Variants in GPN2 observed in about 807,000 individuals in gnomAD.
GPN2 encodes the protein GPN-loop GTPase 2.
In GPN2, 27 loss-of-function variants were observed where a neutral mutation model predicts 30.1. That is an observed-to-expected ratio of 0.90 (90% CI 0.66 to 1.24). The LOEUF is 1.24. GPN2 is among the 50% of genes most tolerant of loss of function. The pLI, the probability that GPN2 is intolerant of heterozygous loss-of-function variation, is 0.00. For synonymous variants in GPN2, 212 were observed against 174.4 expected (o/e 1.22, Z -1.70); for missense variants, 406 against 405.4 (o/e 1.00, Z -0.01).
At chr1:26,886,571 TCCCA>T (rs1210923800) in intron 2 of GPN2, 6 of 417,104 alleles carry the variant, frequency 1.4e-5, no homozygotes, top group African/African-American at 1.0e-4. Flanking sequence ...AAGCCTGTAA[TCCCA>T]GCACTTTGGG....
chr1:26,882,212 C>G (rs1466403124), intron 4 of GPN2, among the ~76,000 whole-genome samples: 1 of 140,710 alleles, frequency 7.1e-6, no homozygotes, highest in Non-Finnish European at 1.5e-5. Context: ...ATTGACGGTC[C>G]GTCTCAAAAA....
chr1:26,880,791 G>C (rs1165701187), intron 4 of GPN2, among the ~76,000 whole-genome samples: 1 of 152,212 alleles, frequency 6.6e-6, no homozygotes, highest in East Asian at 1.9e-4. Flanking sequence ...TGCAACCCTT[G>C]AAACCTGTCT....
rs1444793003 is a variant in GPN2 at position 26,877,665 on chromosome 1, C to T, written c.*2012G>A. ...ACACGGGCAATGGCTTATTAATTCT[C>T]CCCATCCTGTCTATCTCTAATGAGG... On this transcript the variant is annotated 3_prime_UTR_variant, in exon 5 of 5. Transcript: ENST00000374135. 1 of 152,166 alleles carries T rather than the reference C, an allele frequency of 6.6e-6. No individual in the cohort carries two copies. The highest frequency in any genetic ancestry group is 2.4e-5 in the African/African-American group (1 of 41,402). The allele number at this position is 152,166 out of a possible 1,614,324, so 9.4% of individuals were successfully genotyped here.
chr1:26,887,532 G>A (rs1458665494), intron 2 of GPN2, among the ~76,000 whole-genome samples: 1 of 151,966 alleles, frequency 6.6e-6, no homozygotes, highest in African/African-American at 2.4e-5. Context: ...ATGCTATTTA[G>A]GGAACAATGT....
chr1:26,876,217 C>T lies in GPN2; in HGVS notation c.*3460G>A, dbSNP rs2081836018. ...TATGGGATTCTGGGTGACTCATTTT[C>T]GTTTTTTTTTTTTTTGAGATGTACT... On this transcript the variant is annotated 3_prime_UTR_variant, in exon 5 of 5. Transcript: ENST00000374135. 1 of 149,824 alleles carries T rather than the reference C, an allele frequency of 6.7e-6. No homozygotes were observed. Among genetic ancestry groups the T allele is most frequent in the Non-Finnish European group, 1.5e-5 (1 of 67,494 alleles). The allele number at this position is 149,824 out of a possible 1,614,324, so 9.3% of individuals were successfully genotyped here.
chr1:26,876,547 T>G lies in GPN2; in HGVS notation c.*3130A>C, dbSNP rs2081838770. On this transcript the variant is annotated 3_prime_UTR_variant, in exon 5 of 5. Coordinates refer to ENST00000374135, the MANE Select transcript of GPN2 (RefSeq NM_018066.4). ...CTTTCATTTTCTAAGTTTTTTACTT[T>G]CCTATATTTATTAGGAAATTTAAAA... The G allele has an allele frequency of 6.6e-6, 1 of 152,178 alleles. No individual in the cohort carries two copies. 9.4% of individuals were successfully genotyped at this position (152,178 alleles called of 1,614,324 possible).
chr1:26,880,217 G>A (rs1454120547), intron 4 of GPN2, among the ~76,000 whole-genome samples: 2 of 152,134 alleles, frequency 1.3e-5, no homozygotes, highest in Non-Finnish European at 2.9e-5. Context: ...AGGGACCTTG[G>A]GCCTGTCGCC....
rs780315239 is a variant in GPN2, at chr1:26,886,053, G to A, written c.649C>T (p.His217Tyr). 24 of 1,613,006 alleles carry A rather than the reference G, an allele frequency of 1.5e-5. No individual in the cohort carries two copies. The highest frequency in any genetic ancestry group is 3.3e-5 in the Admixed American group (2 of 59,974). Residue 217 changes from histidine (H) to tyrosine (Y), a missense_variant, in exon 3 of 5, where the codon CAC becomes TAC. Coordinates refer to ENST00000374135, the MANE Select transcript of GPN2 (RefSeq NM_018066.4). ...DHLASDPFFR[H>Y]YRQLNEKLVQ... Reference sequence around the variant, plus strand: ...AGCTTCTCATTGAGCTGGCGGTAGTGGCGGAAGAAAGGGTCAGAAGCCAGG... The same window carrying A: ...AGCTTCTCATTGAGCTGGCGGTAGTAGCGGAAGAAAGGGTCAGAAGCCAGG...
intron 4 of GPN2, among the ~76,000 whole-genome samples, chr1:26,880,334 G>A (rs773829721): frequency 4.6e-5 from 7 of 151,988 alleles, no homozygotes; most frequent in Non-Finnish European, 7.4e-5. Context: ...TTTTTTTTGA[G>A]ACAGAGTCTC....
rs1445477472 is a variant in GPN2, at chr1:26,889,756, T to C, written c.341A>G (p.Gln114Arg). 3 of 1,613,522 alleles carry C rather than the reference T, an allele frequency of 1.9e-6. No homozygotes were observed. Among genetic ancestry groups the C allele is most frequent in the African/African-American group, 1.3e-5 (1 of 75,062 alleles). ...GHYFLFDCPG[Q>R]VELCTHHGAL... is the part of the protein sequence containing the mutation. ...GCCGTGATGCGTGCAGAGCTCCACC[T>C]GGCCTGGGCAGTCGAAGAGGAAGTA... The change falls in exon 1 of 5, where the codon CAG (glutamine) becomes CGG (arginine). Residue 114 changes from glutamine to arginine, a missense_variant. Transcript: ENST00000374135.
chr1:26,884,805 A>C (rs1176314040), intron 3 of GPN2, among the ~76,000 whole-genome samples: 1 of 152,208 alleles, frequency 6.6e-6, no homozygotes, highest in East Asian at 1.9e-4. Flanking sequence ...AACATGGTGA[A>C]ACCCTGTCTC....
chr1:26,883,751 G>A (rs1017642438), intron 4 of GPN2, among the ~76,000 whole-genome samples: 6 of 149,192 alleles, frequency 4.0e-5, no homozygotes, highest in Admixed American at 1.4e-4. Context: ...GCCATTGTGC[G>A]ATCCAGCCTG....
intron 4 of GPN2, among the ~76,000 whole-genome samples, chr1:26,881,690 C>T (rs931268298): frequency 6.6e-5 from 10 of 152,182 alleles, no homozygotes; most frequent in African/African-American, 2.4e-4. Context: ...GCTGAGATCA[C>T]GCCACTGCAC....
chr1:26,887,672 C>T (rs58514109), intron 2 of GPN2, among the ~76,000 whole-genome samples: 3,463 of 151,920 alleles, frequency 0.023, 142 homozygotes, highest in African/African-American at 0.078. Flanking sequence ...CGCCATTCTC[C>T]TGCCTCAGCC....
chr1:26,877,204 C>T lies in GPN2; in HGVS notation c.*2473G>A, dbSNP rs2081841298. ...TAGGGGTGAGGTGCTTTGAACTTCT[C>T]AGATGAAAGAGGCTGGGAAGCAGCA... On this transcript the variant is annotated 3_prime_UTR_variant, in exon 5 of 5. Transcript: ENST00000374135. The T allele has an allele frequency of 6.6e-6, 1 of 152,162 alleles. No homozygotes were observed. The highest frequency in any genetic ancestry group is 2.4e-5 in the African/African-American group (1 of 41,436). 9.4% of individuals were successfully genotyped at this position (152,162 alleles called of 1,614,324 possible).
intron 4 of GPN2, among the ~76,000 whole-genome samples, chr1:26,882,668 G>C (rs998064607): frequency 1.3e-5 from 2 of 152,200 alleles, no homozygotes; most frequent in Non-Finnish European, 2.9e-5. Context: ...TCAGCCTAGA[G>C]GGCCTGGACT....
In GPN2 at chr1:26,878,611, T is replaced by G. The variant is rs895850668; in HGVS notation, c.*1066A>C. 2 of 151,998 alleles carry G rather than the reference T, an allele frequency of 1.3e-5. No homozygotes were observed. The highest frequency in any genetic ancestry group is 2.9e-5 in the Non-Finnish European group (2 of 68,028). The allele number at this position is 151,998 out of a possible 1,614,324, so 9.4% of individuals were successfully genotyped here. On this transcript the variant is annotated 3_prime_UTR_variant, in exon 5 of 5. Transcript: ENST00000374135. ...TTTCATTTTTGAAGTACACCTTTTT[T>G]TTGAGACAAAGTCTCGCTCTGTCAC... is the stretch of plus-strand genomic sequence containing the variant.
chr1:26,889,617 G>A (rs1445178034), intron 1 of GPN2, 69 bp downstream of exon 1: 4 of 1,415,834 alleles, frequency 2.8e-6, no homozygotes, highest in Non-Finnish European at 3.9e-6. Flanking sequence ...TGACATGGGG[G>A]CGTGGCGTCT....
chr1:26,886,379 G>C, intron 2 of GPN2: 1 of 555,678 alleles, frequency 1.8e-6, no homozygotes, highest in Non-Finnish European at 3.4e-6. Flanking sequence ...CCCAGTGTCT[G>C]GTACAGAGAA....
Sources: allele counts gnomAD v4.1 joint callset (sites outside exome capture counted in the v4.1 genomes callset), GRCh38; gene constraint gnomAD v4.1.1; transcripts MANE v1.5; gene names NCBI Gene and HGNC (gene_info 2026-07-23, HGNC 2026-07-21).